SRGAP3: variants seen among roughly 807,000 people sequenced by gnomAD.
SRGAP3 encodes the protein SLIT-ROBO Rho GTPase-activating protein 3.
Under a neutral mutation model 121.1 loss-of-function variants are expected in SRGAP3, and 39 were observed. That is an observed-to-expected ratio of 0.32 (90% CI 0.25 to 0.42). The LOEUF (loss-of-function observed/expected upper bound fraction) is 0.42, where lower values mean the gene tolerates loss of function less well. Among genes scored for constraint, SRGAP3 ranks in the 10% least tolerant of loss-of-function variants. SRGAP3 has a pLI of 1.00. For missense variants in SRGAP3, 1,213 were observed against 1,470.6 expected, an observed-to-expected ratio of 0.82 and a Z score of 2.86; for synonymous variants, 601 against 570.0, an observed-to-expected ratio of 1.05 and a Z score of -0.77.
At chr3:9,200,724 C>T (rs143583049) in intron 1 of SRGAP3, among the ~76,000 whole-genome samples, 4 of 152,264 alleles carry the variant, frequency 2.6e-5, no homozygotes, top group Admixed American at 1.3e-4. Flanking sequence ...AATTGTTCTG[C>T]GCAGTCCAAA....
At chr3:9,323,982 C>T (rs977854564) in intron 3 of SRGAP3, among the ~76,000 whole-genome samples, 8 of 151,742 alleles carry the variant, frequency 5.3e-5, no homozygotes, top group African/African-American at 1.9e-4. Context: ...TCCAGGGGTG[C>T]CTCATGGTCA....
At chr3:9,072,783 AAACACTGCCAAACTGGACACTAGT>A (rs1946781103) in intron 4 of SRGAP3, among the ~76,000 whole-genome samples, 1 of 152,248 alleles carries the variant, frequency 6.6e-6, no homozygotes, top group South Asian at 2.1e-4. Context: ...CATGGGAAGG[AAACACTGCCAAACTGGACACTAGT>A]AACACAGCAA....
intron 1 of SRGAP3, among the ~76,000 whole-genome samples, chr3:9,168,935 A>G (rs1950884793): frequency 6.6e-6 from 1 of 152,212 alleles, no homozygotes; most frequent in Non-Finnish European, 1.5e-5. Flanking sequence ...GAGTTAGAGA[A>G]AGGTGTCCCT....
Position 9,104,967 on chromosome 3 carries a change from C to T in SRGAP3, c.261-125G>A, listed in dbSNP as rs1948365319. 4 of 1,161,116 alleles carry T rather than the reference C, an allele frequency of 3.4e-6. No homozygotes were observed. In the Admixed American group the frequency reaches 5.8e-5, roughly 17 times the overall value. 71.9% of individuals were successfully genotyped at this position (1,161,116 alleles called of 1,614,324 possible). On this transcript the variant is annotated intron_variant, in intron 2 of 21. Coordinates refer to ENST00000383836, the MANE Select transcript of SRGAP3 (RefSeq NM_014850.4). ...CCCTTCAAGGTCAGTCTTGTTGTTA[C>T]ACCTTATACAGTTGGGGAAACAGGC...
intron 21 of SRGAP3, 32 bp downstream of exon 21, chr3:8,990,480 G>A (rs1360624497): frequency 6.5e-7 from 1 of 1,549,346 alleles, no homozygotes; most frequent in Non-Finnish European, 8.7e-7. Flanking sequence ...GGGGCTTTTG[G>A]CTGCCCAGCC....
chr3:8,985,871 G>A lies in SRGAP3; in HGVS notation c.2948C>T (p.Thr983Met), dbSNP rs1358124425. 6.2e-7 allele frequency: 1 copy of A among 1,600,112 alleles called. No homozygotes were observed. The highest frequency in any genetic ancestry group is 2.2e-5 in the East Asian group (1 of 44,854). The change falls in exon 22 of 22, where the codon ACG (threonine) becomes ATG (methionine). Residue 983 changes from threonine (T) to methionine (M), a missense_variant. By Grantham distance (81) the Thr-to-Met change is moderately conservative (BLOSUM62 -1). Transcript: ENST00000383836. This position sits in a 1 kb window ranked among gnomAD's most constrained non-coding sequence, Gnocchi z 5.1. ...CACCACATCTGGCGCCTGCTTGACC[G>A]TGTTCTGCCTCTCGAGTTCCCGCAA... ...HELRELERQN[T>M]VKQAPDVVLD...
chr3:9,039,222 A>T (rs1434140620), intron 10 of SRGAP3, among the ~76,000 whole-genome samples: 1 of 152,116 alleles, frequency 6.6e-6, no homozygotes, highest in Non-Finnish European at 1.5e-5. Context: ...CTTCACTTTC[A>T]TGACTCCACA....
chr3:9,207,468 A>G (rs1056274684), intron 1 of SRGAP3, among the ~76,000 whole-genome samples: 7 of 152,230 alleles, frequency 4.6e-5, no homozygotes, highest in African/African-American at 1.7e-4. Flanking sequence ...GAGGTCTATC[A>G]TGATCATCTA....
intron 1 of SRGAP3, among the ~76,000 whole-genome samples, chr3:9,181,198 C>T (rs1951387336): frequency 6.6e-6 from 1 of 152,158 alleles, no homozygotes; most frequent in Non-Finnish European, 1.5e-5. Context: ...CGGGAAGTGT[C>T]ACGTGCTGCA....
chr3:9,182,882 T>G (rs1279174667), intron 1 of SRGAP3, among the ~76,000 whole-genome samples: 4 of 152,120 alleles, frequency 2.6e-5, no homozygotes, highest in Non-Finnish European at 4.4e-5. Flanking sequence ...GGTCTTGAAC[T>G]CCTGGCCTCA....
chr3:9,091,952 G>A (rs190504137), intron 3 of SRGAP3, among the ~76,000 whole-genome samples: 713 of 152,096 alleles, frequency 4.7e-3, no homozygotes, highest in Non-Finnish European at 6.2e-3. Flanking sequence ...ATGCAGATTC[G>A]AGTCCTTAGG....
chr3:9,184,652 G>A (rs972056363), intron 1 of SRGAP3, among the ~76,000 whole-genome samples: 3 of 152,128 alleles, frequency 2.0e-5, no homozygotes, highest in Non-Finnish European at 4.4e-5. Flanking sequence ...AGAGCCACTC[G>A]GAAGTTCCAT....
chr3:9,212,884 AC>A (rs1012682962), intron 1 of SRGAP3, among the ~76,000 whole-genome samples: 2 of 152,234 alleles, frequency 1.3e-5, no homozygotes, highest in Admixed American at 1.3e-4. Flanking sequence ...GTAGGTGAAG[AC>A]AGAGCCTCCC....
At chr3:9,049,597 A>G (rs770397025) in intron 9 of SRGAP3, 3 of 426,170 alleles carry the variant, frequency 7.0e-6, no homozygotes, top group Non-Finnish European at 1.4e-5. Context: ...TGTTTCTCCA[A>G]GTGTGGGGCA....
chr3:9,331,027 A>C (rs1271680155), intron 1 of SRGAP3, among the ~76,000 whole-genome samples: 1 of 152,252 alleles, frequency 6.6e-6, no homozygotes, highest in African/African-American at 2.4e-5. Context: ...TTTAACAACT[A>C]TAAATGGATT....
intron 3 of SRGAP3, among the ~76,000 whole-genome samples, chr3:9,291,668 C>T (rs1049962369): frequency 6.6e-6 from 1 of 151,838 alleles, no homozygotes; most frequent in African/African-American, 2.4e-5. Context: ...ATATATTTCA[C>T]AAATTTCATT....
At chr3:9,302,473 C>T (rs1043062599) in intron 3 of SRGAP3, among the ~76,000 whole-genome samples, 2 of 152,142 alleles carry the variant, frequency 1.3e-5, no homozygotes, top group Non-Finnish European at 2.9e-5. Context: ...GGAAGGGGCT[C>T]AGGTGGGCGT....
At chr3:9,336,277 T>C (rs1434345986) in intron 1 of SRGAP3, among the ~76,000 whole-genome samples, 1 of 151,902 alleles carries the variant, frequency 6.6e-6, no homozygotes, top group Non-Finnish European at 1.5e-5. Context: ...AGTTCAGTGG[T>C]GTGATCATAG....
chr3:9,122,536 C>T lies in SRGAP3; in HGVS notation c.260+2189G>A, dbSNP rs143402772. ...CATCCTGGCTAACATGGTGAAACCCCGTCTCTACTAAAAATACAAAAAATT... is the reference window on the plus strand; with the variant it reads ...CATCCTGGCTAACATGGTGAAACCCTGTCTCTACTAAAAATACAAAAAATT... On this transcript the variant is annotated intron_variant, in intron 2 of 21. Transcript: ENST00000383836. Among the ~76,000 whole-genome samples the T allele has an allele frequency of 5.8e-3, 880 of 151,842 alleles. 10 individuals carry two copies. The highest frequency in any genetic ancestry group is 0.02 in the African/African-American group (828 of 41,398).
Sources: gnomAD v4.1 joint callset for allele counts (sites outside exome capture counted in the v4.1 genomes callset) on GRCh38, gnomAD v4.1.1 for gene constraint, Gnocchi (gnomAD v3.1) non-coding constraint, MANE v1.5 for transcripts, NCBI Gene and HGNC (gene_info 2026-07-23, HGNC 2026-07-21) for gene names.